Variants in PPARGC1A observed in about 807,000 individuals in gnomAD.
The protein encoded by PPARGC1A is PPARG coactivator 1 alpha, also known as peroxisome proliferator-activated receptor gamma coactivator 1-alpha.
In PPARGC1A, 25 loss-of-function variants were observed where a neutral mutation model predicts 88.7. The observed-to-expected ratio is 0.28, with a 90% CI of 0.21 to 0.39. The LOEUF is 0.39. Ranked by LOEUF, PPARGC1A falls within the 10% of genes least tolerant of loss-of-function variation. PPARGC1A has a pLI of 1.00. For synonymous variants in PPARGC1A, 363 were observed against 355.6 expected, an observed-to-expected ratio of 1.02 and a Z score of -0.24; for missense variants, 880 against 968.7, an observed-to-expected ratio of 0.91 and a Z score of 1.22.
the PPARGC1A span, among the ~76,000 whole-genome samples, chr4:24,128,311 G>A: frequency 3.3e-5 from 5 of 152,074 alleles, no homozygotes; most frequent in Admixed American, 6.6e-5. Context: ...TATCTTATAC[G>A]GAGTGTTGTG....
chr4:24,436,459 C>T, the PPARGC1A span, among the ~76,000 whole-genome samples: 38 of 151,016 alleles, frequency 2.5e-4, no homozygotes, highest in African/African-American at 8.4e-4. Flanking sequence ...ATTGGCCATC[C>T]CATAGCCCTG....
the PPARGC1A span, among the ~76,000 whole-genome samples, chr4:23,995,033 T>G: frequency 1.7e-3 from 263 of 152,224 alleles, 1 homozygote; most frequent in African/African-American, 5.9e-3. Context: ...TAATATAACT[T>G]ATTGTGAGTC....
the PPARGC1A span, among the ~76,000 whole-genome samples, chr4:24,059,504 G>A: frequency 1.3e-5 from 2 of 152,126 alleles, no homozygotes; most frequent in Non-Finnish European, 2.9e-5. Flanking sequence ...TCATCCTAAT[G>A]AAAAGCACCC....
At chr4:23,839,189 T>C (rs997043958) in intron 2 of PPARGC1A, among the ~76,000 whole-genome samples, 40 of 152,264 alleles carry the variant, frequency 2.6e-4, no homozygotes, top group African/African-American at 9.4e-4. Context: ...CATTCATGAG[T>C]TAATAAATAT....
chr4:23,871,045 C>T (rs1255037518), intron 2 of PPARGC1A, among the ~76,000 whole-genome samples: 3 of 151,916 alleles, frequency 2.0e-5, no homozygotes, highest in Non-Finnish European at 4.4e-5. Flanking sequence ...ACACATTTGC[C>T]ATTGAAAGAC....
chr4:24,300,071 G>T, the PPARGC1A span, among the ~76,000 whole-genome samples: 67 of 152,222 alleles, frequency 4.4e-4, no homozygotes, highest in African/African-American at 1.4e-3. Flanking sequence ...TTTCTTAAAG[G>T]TCAGGTCTGA....
the PPARGC1A span, among the ~76,000 whole-genome samples, chr4:23,950,372 AT>A: frequency 2.0e-5 from 3 of 152,142 alleles, no homozygotes; most frequent in African/African-American, 7.2e-5. Flanking sequence ...AAAAAGGTAC[AT>A]CATTTGCCCA....
the PPARGC1A span, among the ~76,000 whole-genome samples, chr4:24,052,144 C>G: frequency 6.6e-6 from 1 of 152,076 alleles, no homozygotes; most frequent in South Asian, 2.1e-4. Flanking sequence ...ACCACTACTG[C>G]TATTATTGAA....
the PPARGC1A span, among the ~76,000 whole-genome samples, chr4:24,413,625 T>C: frequency 6.6e-6 from 1 of 152,064 alleles, no homozygotes; most frequent in African/African-American, 2.4e-5. Context: ...GGGGTAGGGA[T>C]CATTTAGGAA....
At chr4:24,087,889 C>A in the PPARGC1A span, among the ~76,000 whole-genome samples, 1 of 152,164 alleles carries the variant, frequency 6.6e-6, no homozygotes, top group Admixed American at 6.5e-5. Flanking sequence ...AGGCAAACAG[C>A]ATCCAATTAA....
At chr4:23,950,810 T>TA in the PPARGC1A span, among the ~76,000 whole-genome samples, 1 of 152,132 alleles carries the variant, frequency 6.6e-6, no homozygotes, top group Non-Finnish European at 1.5e-5. Context: ...AAGTACAACT[T>TA]ACACTTTCAG....
At chr4:24,397,117 T>A in the PPARGC1A span, among the ~76,000 whole-genome samples, 1 of 152,176 alleles carries the variant, frequency 6.6e-6, no homozygotes, top group South Asian at 2.1e-4. Context: ...AATAAATGGC[T>A]AATAAATTAT....
chr4:23,870,730 A>T (rs1050567305), intron 2 of PPARGC1A, among the ~76,000 whole-genome samples: 2 of 152,196 alleles, frequency 1.3e-5, no homozygotes, highest in African/African-American at 4.8e-5. Flanking sequence ...GAGACATTTT[A>T]AAAACAGTGT....
chr4:23,888,406 C>T (rs1717268294), intron 1 of PPARGC1A, among the ~76,000 whole-genome samples: 3 of 152,298 alleles, frequency 2.0e-5, no homozygotes, highest in African/African-American at 7.2e-5. Flanking sequence ...CAACTCCTAA[C>T]AGCATCAGGA....
chr4:24,438,585 G>A, the PPARGC1A span, among the ~76,000 whole-genome samples: 4 of 151,972 alleles, frequency 2.6e-5, no homozygotes, highest in African/African-American at 4.8e-5. Context: ...TACAATTTTC[G>A]GCTACTAATG....
At chr4:24,201,537 T>C in the PPARGC1A span, among the ~76,000 whole-genome samples, 4 of 152,244 alleles carry the variant, frequency 2.6e-5, no homozygotes, top group Non-Finnish European at 5.9e-5. Flanking sequence ...CAAATAAGAT[T>C]GTGGCTCAAT....
the PPARGC1A span, among the ~76,000 whole-genome samples, chr4:24,121,538 C>T: frequency 6.6e-6 from 1 of 152,180 alleles, no homozygotes; most frequent in Non-Finnish European, 1.5e-5. Context: ...TCCGCCATAC[C>T]CTCTTGGACA....
the PPARGC1A span, among the ~76,000 whole-genome samples, chr4:24,199,475 G>A: frequency 1.3e-5 from 2 of 152,188 alleles, no homozygotes; most frequent in Non-Finnish European, 2.9e-5. Flanking sequence ...GGGAATCAGA[G>A]AGAGTGCCAC....
chr4:23,813,951 A>T lies in PPARGC1A; in HGVS notation c.1532T>A (p.Phe511Tyr). The T allele has an allele frequency of 6.2e-7, 1 of 1,614,128 alleles. No individual in the cohort carries two copies. Among genetic ancestry groups the T allele is most frequent in the Non-Finnish European group, 8.5e-7 (1 of 1,179,976 alleles). The change falls in exon 8 of 13, where the codon TTT (phenylalanine) becomes TAT (tyrosine). Residue 511 changes from phenylalanine to tyrosine, a missense_variant. Transcript: ENST00000264867. Reference protein sequence around the residue: ...INSGLAMDGLFDDSEDESDKL... With the variant: ...INSGLAMDGLYDDSEDESDKL... ...ATCACTTTCATCTTCGCTGTCATCA[A>T]ACAGGCCATCCATGGCTAGTCCTGA...
Sources: allele counts gnomAD v4.1 joint callset (sites outside exome capture counted in the v4.1 genomes callset), GRCh38; gene constraint gnomAD v4.1.1; transcripts MANE v1.5; gene names NCBI Gene and HGNC (gene_info 2026-07-23, HGNC 2026-07-21).